Variants in NCR1 observed in about 807,000 individuals in gnomAD.
NCR1 encodes the protein natural cytotoxicity triggering receptor 1.
NCR1 carries 30 observed loss-of-function variants against 32.5 expected under a neutral mutation model. The ratio of observed to expected loss-of-function variants is 0.92; its 90% CI spans 0.69 to 1.25. NCR1 has a LOEUF of 1.25. Among genes scored for constraint, NCR1 ranks in the 50% most tolerant of loss-of-function variants. The probability of loss-of-function intolerance (pLI) is 0.00; values close to 1 mark genes in which losing one functional copy is unlikely to be tolerated. For synonymous variants in NCR1, 169 were observed against 143.4 expected, an observed-to-expected ratio of 1.18 and a Z score of -1.28; for missense variants, 369 against 380.7, an observed-to-expected ratio of 0.97 and a Z score of 0.26.
At chr19:54,925,384 C>A in the NCR1 span, among the ~76,000 whole-genome samples, 5 of 152,104 alleles carry the variant, frequency 3.3e-5, no homozygotes, top group Admixed American at 1.3e-4. Flanking sequence ...GAACTGCAGA[C>A]GTGTGAAAAA....
chr19:54,934,516 C>A, the NCR1 span: 2 of 1,614,100 alleles, frequency 1.2e-6, no homozygotes, highest in African/African-American at 1.3e-5. This position sits in a 1 kb window ranked among gnomAD's most constrained non-coding sequence, Gnocchi z 6.7. Context: ...GTGTTTTGGG[C>A]GTGTCATGGT....
chr19:54,938,187 G>A, the NCR1 span: 9 of 1,614,072 alleles, frequency 5.6e-6, no homozygotes, highest in African/African-American at 2.7e-5. Context: ...CTGTCCAGAG[G>A]CGAAGAGAGC....
chr19:54,933,046 G>C, the NCR1 span, among the ~76,000 whole-genome samples: 25 of 152,260 alleles, frequency 1.6e-4, no homozygotes, highest in Non-Finnish European at 3.2e-4. Context: ...CATCAGATCC[G>C]AGAACCAACT....
chr19:54,912,116 G>A, intron 5 of NCR1, 52 bp from the exon 6 acceptor site: 20 of 1,472,772 alleles, frequency 1.4e-5, no homozygotes, highest in Non-Finnish European at 1.9e-5. Flanking sequence ...AAGGAGTGCT[G>A]GGGTGGAGGA....
the NCR1 span, among the ~76,000 whole-genome samples, chr19:54,925,275 T>C: frequency 2.2e-4 from 34 of 152,234 alleles, no homozygotes; most frequent in East Asian, 5.6e-3. Context: ...ATTACAGACC[T>C]CGGTCCCACC....
At chr19:54,934,894 A>C in the NCR1 span, among the ~76,000 whole-genome samples, 1 of 152,054 alleles carries the variant, frequency 6.6e-6, no homozygotes, top group Non-Finnish European at 1.5e-5. This position sits in a 1 kb window ranked among gnomAD's most constrained non-coding sequence, Gnocchi z 6.7. Flanking sequence ...ACGGGATTTC[A>C]CCATGTTGGC....
the NCR1 span, among the ~76,000 whole-genome samples, chr19:54,935,494 G>T: frequency 3.3e-5 from 5 of 152,024 alleles, no homozygotes; most frequent in Admixed American, 3.3e-4. Flanking sequence ...TCAGGAGTTC[G>T]AGACCAGCCT....
the NCR1 span, among the ~76,000 whole-genome samples, chr19:54,924,114 T>G: frequency 1.3e-5 from 2 of 152,130 alleles, no homozygotes; most frequent in Non-Finnish European, 2.9e-5. Flanking sequence ...ATTACAGGTG[T>G]GCACCACCAC....
the NCR1 span, among the ~76,000 whole-genome samples, chr19:54,936,007 G>T: frequency 6.6e-6 from 1 of 152,140 alleles, no homozygotes; most frequent in Non-Finnish European, 1.5e-5. Flanking sequence ...GTGCAGTCAG[G>T]AATAGCATGT....
the NCR1 span, among the ~76,000 whole-genome samples, chr19:54,937,716 G>A: frequency 5.3e-5 from 8 of 151,916 alleles, no homozygotes; most frequent in East Asian, 1.9e-4. Context: ...TGGGCAACAC[G>A]GTGAAAACCT....
chr19:54,933,586 A>G, the NCR1 span: 1 of 1,614,206 alleles, frequency 6.2e-7, no homozygotes. Context: ...TCTGCAGTTT[A>G]CAATCAGGGT....
At chr19:54,936,935 G>A in the NCR1 span, among the ~76,000 whole-genome samples, 19 of 151,134 alleles carry the variant, frequency 1.3e-4, no homozygotes, top group Admixed American at 3.3e-4. Context: ...AAAATTCGCC[G>A]GGTGTGGTGG....
chr19:54,903,707 GGTATATAT>G (rs2067379802), upstream of NCR1, among the ~76,000 whole-genome samples: 1 of 145,218 alleles, frequency 6.9e-6, no homozygotes, highest in Non-Finnish European at 1.5e-5. Flanking sequence ...ATATATAAAA[GGTATATAT>G]GTATATATGT....
downstream of NCR1, among the ~76,000 whole-genome samples, chr19:54,919,851 AGGAGCCCTCTG>A (rs1424848500): frequency 1.3e-5 from 2 of 152,126 alleles, no homozygotes; most frequent in Non-Finnish European, 2.9e-5. Flanking sequence ...CGCTAGACCA[AGGAGCCCTCTG>A]GTGGCCCTGT....
At chr19:54,927,724 A>G in the NCR1 span, 2 of 1,614,032 alleles carry the variant, frequency 1.2e-6, no homozygotes, top group Admixed American at 1.7e-5. Flanking sequence ...TGCTGAGGAG[A>G]GCAGATCCAA....
the NCR1 span, among the ~76,000 whole-genome samples, chr19:54,934,300 C>T: frequency 6.6e-6 from 1 of 152,264 alleles, no homozygotes; most frequent in East Asian, 1.9e-4. The surrounding 1 kb of genome is among the most constrained non-coding windows in gnomAD (Gnocchi z 6.7). Context: ...TGGTCTCGAA[C>T]TCCTGAACTC....
downstream of NCR1, among the ~76,000 whole-genome samples, chr19:54,920,380 G>A (rs1327059709): frequency 6.6e-6 from 1 of 152,184 alleles, no homozygotes; most frequent in Non-Finnish European, 1.5e-5. Flanking sequence ...ACACAGGACA[G>A]TCCTTGCTAC....
chr19:54,903,248 C>G (rs2067332627), upstream of NCR1, among the ~76,000 whole-genome samples: 3 of 151,158 alleles, frequency 2.0e-5, no homozygotes, highest in African/African-American at 7.3e-5. Flanking sequence ...ATGCTGAAAA[C>G]TACATAGTAC....
chr19:54,903,389 C>T (rs1034678118), upstream of NCR1, among the ~76,000 whole-genome samples: 1 of 132,746 alleles, frequency 7.5e-6, no homozygotes, highest in Non-Finnish European at 1.6e-5. Context: ...TATGTATATA[C>T]ATATATGTAT....
Sources: gnomAD v4.1 joint callset for allele counts (sites outside exome capture counted in the v4.1 genomes callset) on GRCh38, gnomAD v4.1.1 for gene constraint, Gnocchi (gnomAD v3.1) non-coding constraint, MANE v1.5 for transcripts, NCBI Gene and HGNC (gene_info 2026-07-23, HGNC 2026-07-21) for gene names.